NTRK2: variants seen among roughly 807,000 people sequenced by gnomAD.
The protein encoded by NTRK2 is neurotrophic receptor tyrosine kinase 2.
In NTRK2, 13 loss-of-function variants were observed where a neutral mutation model predicts 94.5. The observed-to-expected ratio is 0.14, with a 90% CI of 0.09 to 0.22. The LOEUF is 0.22. Among genes scored for constraint, NTRK2 ranks in the 10% least tolerant of loss-of-function variants. The pLI, the probability that NTRK2 is intolerant of heterozygous loss-of-function variation, is 1.00. For missense variants in NTRK2, 639 were observed against 1,071.2 expected, an observed-to-expected ratio of 0.60 and a Z score of 5.63; for synonymous variants, 372 against 407.4, an observed-to-expected ratio of 0.91 and a Z score of 1.05.
At chr9:84,783,805 G>A (rs1180930441) in intron 12 of NTRK2, among the ~76,000 whole-genome samples, 1 of 151,932 alleles carries the variant, frequency 6.6e-6, no homozygotes, top group Non-Finnish European at 1.5e-5. Context: ...TGGGAGAAGA[G>A]ACTGCTGGGT....
intron 17 of NTRK2, among the ~76,000 whole-genome samples, chr9:84,979,382 T>G (rs903785150): frequency 6.6e-6 from 1 of 152,216 alleles, no homozygotes; most frequent in African/African-American, 2.4e-5. Flanking sequence ...AAGAACTCAC[T>G]GCAGAAGTGG....
At chr9:84,679,152 G>A (rs1272007729) in intron 2 of NTRK2, among the ~76,000 whole-genome samples, 1 of 152,136 alleles carries the variant, frequency 6.6e-6, no homozygotes, top group East Asian at 1.9e-4. Context: ...CTAAAACTGT[G>A]AGCAATACAT....
At chr9:84,889,908 C>T (rs117393724) in intron 14 of NTRK2, among the ~76,000 whole-genome samples, 2,427 of 152,248 alleles carry the variant, frequency 0.016, 36 homozygotes, top group Middle Eastern at 0.027. Context: ...TCTTATGTGT[C>T]CCTGGGCAAG....
intron 9 of NTRK2, among the ~76,000 whole-genome samples, chr9:84,735,550 C>T (rs142098076): frequency 1.5e-3 from 230 of 152,274 alleles, no homozygotes; most frequent in Non-Finnish European, 2.5e-3. Context: ...AATAACAATA[C>T]AAATATAGAA....
chr9:84,944,229 A>T (rs1458391693), intron 15 of NTRK2, among the ~76,000 whole-genome samples: 5 of 148,462 alleles, frequency 3.4e-5, no homozygotes, highest in Admixed American at 2.0e-4. Context: ...ACACACACAC[A>T]CACACACACA....
chr9:85,018,237 C>T (rs1832443486), intron 17 of NTRK2, among the ~76,000 whole-genome samples: 1 of 152,114 alleles, frequency 6.6e-6, no homozygotes, highest in African/African-American at 2.4e-5. Flanking sequence ...GGTTTGCTCA[C>T]ACAATTAAAT....
rs180877014 is a variant in NTRK2 at position 84,748,752 on chromosome 9, A to G, written c.1297-3234A>G. On this transcript the variant is annotated intron_variant, in intron 11 of 18. Coordinates refer to ENST00000277120, the MANE Select transcript of NTRK2 (RefSeq NM_006180.6). Reference sequence around the variant, plus strand: ...TCTATCTGTAGAAGTCTGCAATTTAATAATAAAGAAACTTATAGCTAAAAT... The same window carrying G: ...TCTATCTGTAGAAGTCTGCAATTTAGTAATAAAGAAACTTATAGCTAAAAT... Among the ~76,000 whole-genome samples the G allele has an allele frequency of 3.0e-3, 464 of 152,344 alleles. 6 individuals are homozygous for G. The highest frequency in any genetic ancestry group is 0.01 in the African/African-American group (420 of 41,574).
At chr9:84,825,139 A>G (rs2073103774) in intron 12 of NTRK2, among the ~76,000 whole-genome samples, 2 of 152,122 alleles carry the variant, frequency 1.3e-5, no homozygotes. Context: ...ATGTGGTTCC[A>G]AAATCAAGCC....
intron 12 of NTRK2, among the ~76,000 whole-genome samples, chr9:84,809,873 C>T (rs2071560046): frequency 8.5e-6 from 1 of 117,890 alleles, no homozygotes; most frequent in African/African-American, 3.2e-5. Context: ...CAGAGCAATA[C>T]TCTGTCTGGA....
At chr9:84,852,788 G>C (rs1430138894) in intron 12 of NTRK2, among the ~76,000 whole-genome samples, 1 of 152,190 alleles carries the variant, frequency 6.6e-6, no homozygotes, top group Non-Finnish European at 1.5e-5. Flanking sequence ...CTAAATGTTT[G>C]AAATATGTGA....
At chr9:84,874,159 A>C in intron 14 of NTRK2, 1 of 1,065,104 alleles carries the variant, frequency 9.4e-7, no homozygotes, top group Non-Finnish European at 1.1e-6. Context: ...CGGATTGGCC[A>C]CTCTTGCATG....
intron 12 of NTRK2, among the ~76,000 whole-genome samples, chr9:84,781,364 G>A (rs1222469368): frequency 3.3e-5 from 5 of 151,912 alleles, no homozygotes; most frequent in African/African-American, 7.3e-5. Flanking sequence ...TTTTGTTGAC[G>A]CTTCTTAAGA....
At chr9:84,823,023 C>T (rs1249525277) in intron 12 of NTRK2, among the ~76,000 whole-genome samples, 3 of 152,092 alleles carry the variant, frequency 2.0e-5, no homozygotes, top group Admixed American at 6.6e-5. Flanking sequence ...TGAGTGCTTT[C>T]GGAAACTCCA....
intron 13 of NTRK2, among the ~76,000 whole-genome samples, chr9:84,861,545 T>A (rs1346263840): frequency 6.6e-6 from 1 of 152,200 alleles, no homozygotes; most frequent in Non-Finnish European, 1.5e-5. Flanking sequence ...CAAAACAGAT[T>A]CTAACGTCCA....
intron 12 of NTRK2, among the ~76,000 whole-genome samples, chr9:84,853,408 G>C (rs2074884572): frequency 6.6e-6 from 1 of 152,158 alleles, no homozygotes. Flanking sequence ...ACTGCCTGGA[G>C]TGCTGGATTC....
intron 2 of NTRK2, among the ~76,000 whole-genome samples, chr9:84,695,627 C>A (rs1467225445): frequency 1.3e-5 from 2 of 152,330 alleles, no homozygotes; most frequent in Non-Finnish European, 2.9e-5. Flanking sequence ...AACAAGATGA[C>A]AAATAGCATG....
rs2059684017 is a variant in NTRK2 at position 84,685,910 on chromosome 9, A to G, written c.212+14950A>G. Among the ~76,000 whole-genome samples, 4 of 152,366 alleles carry G rather than the reference A, an allele frequency of 2.6e-5. No homozygotes were observed. In the South Asian group the frequency reaches 8.3e-4, roughly 32 times the overall value. On this transcript the variant is annotated intron_variant, in intron 2 of 18. Coordinates refer to ENST00000277120, the MANE Select transcript of NTRK2 (RefSeq NM_006180.6). ...TACACACCGTTAGGACATAAACTGC[A>G]TGAAGGCAGGGACATATGGATCTTG...
At chr9:85,005,121 C>T (rs1830814058) in intron 17 of NTRK2, among the ~76,000 whole-genome samples, 1 of 152,210 alleles carries the variant, frequency 6.6e-6, no homozygotes. Flanking sequence ...GAACCTGTTA[C>T]TTCATGCAAA....
chr9:85,023,744 G>A lies in NTRK2; in HGVS notation c.*2307G>A. 1 of 231,478 alleles carries A rather than the reference G, an allele frequency of 4.3e-6. No individual in the cohort carries two copies. Among genetic ancestry groups the A allele is most frequent in the Non-Finnish European group, 8.5e-6 (1 of 117,012 alleles). The allele number at this position is 231,478 out of a possible 1,614,324, so 14.3% of individuals were successfully genotyped here. On this transcript the variant is annotated 3_prime_UTR_variant, in exon 19 of 19. Transcript: ENST00000277120. ...ACTGTAGAACTCTGTGACGCAGTAA[G>A]GAAGGGGCAGATTTGTACAAAAACT...
Sources: allele counts gnomAD v4.1 joint callset (sites outside exome capture counted in the v4.1 genomes callset), GRCh38; gene constraint gnomAD v4.1.1; transcripts MANE v1.5; gene names NCBI Gene and HGNC (gene_info 2026-07-23, HGNC 2026-07-21).